The following RBFOX1 variants were observed in gnomAD, a reference collection of about 807,000 sequenced individuals.
The protein encoded by RBFOX1 is RNA binding protein fox-1 homolog 1.
RBFOX1 carries 8 observed loss-of-function variants against 57.7 expected under a neutral mutation model. The ratio of observed to expected loss-of-function variants is 0.14; its 90% confidence interval spans 0.08 to 0.25. RBFOX1 has a LOEUF of 0.25. RBFOX1 is among the 10% of genes least tolerant of loss of function. RBFOX1 has a pLI of 1.00. For synonymous variants in RBFOX1, 326 were observed against 222.4 expected (o/e 1.47, Z -4.15); for missense variants, 611 against 548.5 (o/e 1.11, Z -1.14).
rs151061859 is a variant in RBFOX1, at chr16:6,553,612, G to C, written c.-63-100991G>C. On this transcript the variant is annotated intron_variant, in intron 2 of 15. Transcript: ENST00000550418. ...TACTCACAAGTTGCCATGGAGGTGA[G>C]AGTAGACGCGGTGGGGATGGACGAT... Among the ~76,000 whole-genome samples the C allele has an allele frequency of 9.6e-3, 1,469 of 152,248 alleles. 32 individuals carry two copies. Among genetic ancestry groups the C allele is most frequent in the African/African-American group, 0.034 (1,416 of 41,546 alleles).
intron 1 of RBFOX1, among the ~76,000 whole-genome samples, chr16:5,336,832 A>T (rs1194337200): frequency 6.6e-6 from 1 of 152,144 alleles, no homozygotes; most frequent in Non-Finnish European, 1.5e-5. Flanking sequence ...AATGGTGCTC[A>T]TGGCTTTTTA....
chr16:6,119,196 G>C (rs982091952), intron 1 of RBFOX1, among the ~76,000 whole-genome samples: 1 of 151,880 alleles, frequency 6.6e-6, no homozygotes, highest in African/African-American at 2.4e-5. Context: ...TTGGCTCAAT[G>C]AATATGAGCT....
intron 1 of RBFOX1, among the ~76,000 whole-genome samples, chr16:6,083,925 A>T (rs889569449): frequency 6.6e-6 from 1 of 152,224 alleles, no homozygotes; most frequent in African/African-American, 2.4e-5. Flanking sequence ...ATGGGTCAAG[A>T]AGAAGTCTCC....
chr16:6,020,042 T>TG, intron 1 of RBFOX1, 50 bp downstream of exon 1: 1 of 1,430,282 alleles, frequency 7.0e-7, no homozygotes, highest in Non-Finnish European at 9.2e-7. Context: ...ACCTGGTGGG[T>TG]CAGGTCCAGA....
chr16:5,669,701 A>C (rs1202787245), intron 3 of RBFOX1, among the ~76,000 whole-genome samples: 1 of 152,312 alleles, frequency 6.6e-6, no homozygotes, highest in East Asian at 1.9e-4. Context: ...TACAGGCGTG[A>C]GCCACCACGC....
chr16:6,241,297 G>C (rs1189608166), intron 1 of RBFOX1, among the ~76,000 whole-genome samples: 1 of 152,286 alleles, frequency 6.6e-6, no homozygotes, highest in East Asian at 1.9e-4. Context: ...CTGGAATGTT[G>C]CTGGCACAAT....
At chr16:6,276,022 A>C (rs1332860736) in intron 1 of RBFOX1, among the ~76,000 whole-genome samples, 3 of 152,188 alleles carry the variant, frequency 2.0e-5, no homozygotes, top group Non-Finnish European at 4.4e-5. Context: ...AGTTTAAGCT[A>C]TTCTTTAATT....
At chr16:6,976,907 T>G (rs1426059466) in intron 3 of RBFOX1, among the ~76,000 whole-genome samples, 1 of 143,704 alleles carries the variant, frequency 7.0e-6, no homozygotes, top group African/African-American at 2.5e-5. Context: ...GTATATCATA[T>G]ATATCACATA....
At chr16:7,622,435 A>G (rs1596673275) in intron 10 of RBFOX1, among the ~76,000 whole-genome samples, 1 of 152,342 alleles carries the variant, frequency 6.6e-6, no homozygotes, top group Non-Finnish European at 1.5e-5. Flanking sequence ...TTTCCTGTCA[A>G]TGCCACTATT....
intron 3 of RBFOX1, among the ~76,000 whole-genome samples, chr16:5,829,137 G>A (rs1255287651): frequency 1.3e-5 from 2 of 152,176 alleles, no homozygotes; most frequent in African/African-American, 4.8e-5. Flanking sequence ...AAAGGAATGT[G>A]TGCCAGGAGG....
chr16:7,575,883 T>C (rs7196719), intron 5 of RBFOX1, among the ~76,000 whole-genome samples: 87,479 of 151,756 alleles, frequency 0.58, 25,511 homozygotes, highest in East Asian at 0.68. Context: ...TGTCATCTCC[T>C]GCTGCATTTC....
At chr16:5,966,510 C>A (rs115137888) in intron 4 of RBFOX1, among the ~76,000 whole-genome samples, 2 of 152,126 alleles carry the variant, frequency 1.3e-5, no homozygotes, top group African/African-American at 2.4e-5. Flanking sequence ...CAGGCTGGAG[C>A]GCAATGGCGC....
intron 1 of RBFOX1, among the ~76,000 whole-genome samples, chr16:5,296,313 A>G (rs2063666869): frequency 6.6e-6 from 1 of 152,106 alleles, no homozygotes; most frequent in Non-Finnish European, 1.5e-5. Context: ...TCTCTTCCTC[A>G]TTTAGGATTC....
At chr16:6,424,174 G>C (rs1259542534) in intron 2 of RBFOX1, among the ~76,000 whole-genome samples, 3 of 152,196 alleles carry the variant, frequency 2.0e-5, no homozygotes, top group Admixed American at 2.0e-4. Context: ...AGGAGGCAGA[G>C]GTTGCAGTGA....
chr16:5,784,819 C>A (rs11860120), intron 3 of RBFOX1, among the ~76,000 whole-genome samples: 43,853 of 151,868 alleles, frequency 0.29, 6,698 homozygotes, highest in East Asian at 0.55. Flanking sequence ...CGCATAGACA[C>A]CATCTATGAA....
At chr16:6,095,333 C>T (rs900163625) in intron 1 of RBFOX1, among the ~76,000 whole-genome samples, 1 of 152,196 alleles carries the variant, frequency 6.6e-6, no homozygotes, top group Non-Finnish European at 1.5e-5. Context: ...ATATTTAGGA[C>T]ATCTCCCTTA....
intron 4 of RBFOX1, among the ~76,000 whole-genome samples, chr16:7,432,928 A>G (rs140671458): frequency 2.0e-5 from 3 of 152,242 alleles, no homozygotes; most frequent in South Asian, 2.1e-4. Context: ...AGAGGATTCA[A>G]TGTGTCAAGT....
intron 3 of RBFOX1, among the ~76,000 whole-genome samples, chr16:5,806,032 A>G (rs1370708332): frequency 2.6e-5 from 4 of 152,102 alleles, no homozygotes; most frequent in Admixed American, 2.0e-4. Context: ...TCACATTCCC[A>G]TTGGGAGTGA....
intron 3 of RBFOX1, among the ~76,000 whole-genome samples, chr16:6,890,487 C>G (rs769678387): frequency 1.3e-4 from 20 of 151,764 alleles, no homozygotes; most frequent in Admixed American, 2.6e-4. Context: ...CCATGGCACT[C>G]CAGCCTGGGC....
Sources: gnomAD v4.1 joint callset for allele counts (sites outside exome capture counted in the v4.1 genomes callset) on GRCh38, gnomAD v4.1.1 for gene constraint, MANE v1.5 for transcripts, NCBI Gene and HGNC (gene_info 2026-07-23, HGNC 2026-07-21) for gene names.